The following LSS variants were observed in gnomAD, a reference collection of about 807,000 sequenced individuals.
LSS encodes 2,3-epoxysqualene-lanosterol cyclase.
In LSS, 90 loss-of-function variants were observed where a neutral mutation model predicts 110.3. The observed-to-expected ratio is 0.82, with a 90% CI of 0.69 to 0.97. The LOEUF is 0.97. Ranked by LOEUF, LSS falls within the 50% of genes least tolerant of loss-of-function variation. The pLI, the probability that LSS is intolerant of heterozygous loss-of-function variation, is 0.00. For synonymous variants in LSS, 433 were observed against 400.0 expected (o/e 1.08, Z -0.98); for missense variants, 927 against 990.0 (o/e 0.94, Z 0.85).
At chr21:46,208,393 C>T (rs376486825) in intron 13 of LSS, 92 bp from the exon 14 acceptor site, 2 of 1,164,798 alleles carry the variant, frequency 1.7e-6, no homozygotes, top group South Asian at 1.3e-5. Context: ...CTGGGCAGGA[C>T]TGGAGAGGCA....
At chr21:46,225,498 C>G in intron 3 of LSS, 1 of 424,788 alleles carries the variant, frequency 2.4e-6, no homozygotes, top group Non-Finnish European at 4.7e-6. Flanking sequence ...ACTCCTCCAC[C>G]TCTTGTGGAC....
intron 20 of LSS, 140 bp downstream of exon 20, chr21:46,194,351 T>A (rs888341815): frequency 1.4e-5 from 14 of 998,014 alleles, no homozygotes; most frequent in Admixed American, 1.1e-4. Flanking sequence ...CTTGTAGGTG[T>A]CTGTTCCCAG....
chr21:46,219,980 T>C (rs1182762679), intron 5 of LSS, among the ~76,000 whole-genome samples: 1 of 152,180 alleles, frequency 6.6e-6, no homozygotes, highest in Non-Finnish European at 1.5e-5. Flanking sequence ...AGCCTCGCCC[T>C]CTGAGCCAAG....
At chr21:46,194,405 T>C (rs2079876923) in intron 20 of LSS, 86 bp downstream of exon 20, 1 of 1,514,444 alleles carries the variant, frequency 6.6e-7, no homozygotes, top group Non-Finnish European at 8.9e-7. Context: ...CCTCTCTACA[T>C]TCACTCAGCC....
At position 46,207,463 on chromosome 21, in the gene LSS, T is replaced by A. The variant is rs1303995721; in HGVS notation, c.1432A>T (p.Ile478Phe). The change falls in exon 15 of 22, where the codon ATC becomes TTC. Residue 478 changes from isoleucine (I) to phenylalanine (F), a missense_variant. Transcript: ENST00000397728. ...QEKCPHVTEH[I>F]PRERLCDAVA... ...GCATCGCAGAGCCGTTCTCTGGGGA[T>A]GTGCTCGGTGACATGGGGACACTTC... The A allele has an allele frequency of 1.2e-6, 2 of 1,612,452 alleles. No homozygotes were observed. Among genetic ancestry groups the A allele is most frequent in the Non-Finnish European group, 1.7e-6 (2 of 1,179,644 alleles).
intron 17 of LSS, among the ~76,000 whole-genome samples, chr21:46,198,146 G>A (rs777031696): frequency 6.6e-6 from 1 of 151,750 alleles, no homozygotes. Context: ...ACATGCCTGT[G>A]GTCCTAGCTG....
Position 46,188,512 on chromosome 21 carries a change from C to G in LSS, c.*2592G>C. On this transcript the variant is annotated 3_prime_UTR_variant, in exon 22 of 22. Coordinates refer to ENST00000397728, the MANE Select transcript of LSS (RefSeq NM_002340.6). ...CCCTCAGACAGAGGCTGCACCGGTA[C>G]AGCTGCCATCTCCTCTTGGTGGTGT... The G allele has an allele frequency of 2.5e-6, 1 of 401,236 alleles. No homozygotes were observed. Among genetic ancestry groups the G allele is most frequent in the Non-Finnish European group, 5.1e-6 (1 of 194,278 alleles). 24.9% of individuals were successfully genotyped at this position (401,236 alleles called of 1,614,324 possible).
Position 46,207,551 on chromosome 21 carries a change from G to C in LSS, c.1344C>G (p.Asp448Glu). Residue 448 changes from aspartate to glutamate, a missense_variant, in exon 15 of 22, where the codon GAC (aspartate) becomes GAG (glutamate). Physicochemically the swap from Asp to Glu is conservative, Grantham distance 45 (BLOSUM62 2). Coordinates refer to ENST00000397728, the MANE Select transcript of LSS (RefSeq NM_002340.6). Reference protein sequence around the residue: ...RKGGFSFSTLDCGWIVSDCTA... With the variant: ...RKGGFSFSTLECGWIVSDCTA... ...TGCAGTCAGAAACGATCCAGCCGCA[G>C]TCCAGCGTACTGAAGGAGAAGCCAC... 1.2e-6 allele frequency: 2 copies of C among 1,609,982 alleles called. No individual in the cohort carries two copies. Among genetic ancestry groups the C allele is most frequent in the East Asian group, 4.5e-5 (2 of 44,754 alleles).
At chr21:46,207,777 A>G (rs532321159) in intron 14 of LSS, among the ~76,000 whole-genome samples, 200 bp from the exon 15 acceptor site, 2 of 151,960 alleles carry the variant, frequency 1.3e-5, no homozygotes, top group Admixed American at 6.5e-5. Flanking sequence ...AGGGACCCTC[A>G]GGGGTGCAGC....
intron 19 of LSS, 49 bp downstream of exon 19, chr21:46,195,627 A>T (rs765314425): frequency 6.8e-7 from 1 of 1,469,952 alleles, no homozygotes; most frequent in Non-Finnish European, 9.5e-7. Context: ...CTCATGACAG[A>T]GCATTGGGTT....
chr21:46,222,611 CA>C lies in LSS; in HGVS notation c.428+18del, dbSNP rs2080291412. ...ACACACATGCACATGTGCAGTGACA[CA>C]GGGGCAGGCACACTCACAGGCCCCA... On this transcript the variant is annotated intron_variant, in intron 4 of 21. Coordinates refer to ENST00000397728, the MANE Select transcript of LSS (RefSeq NM_002340.6). 1 of 1,603,268 alleles carries C rather than the reference CA, an allele frequency of 6.2e-7. No homozygotes were observed. The highest frequency in any genetic ancestry group is 2.2e-5 in the East Asian group (1 of 44,842).
intron 2 of LSS, 68 bp from the exon 3 acceptor site, chr21:46,227,758 C>T (rs1375186872): frequency 1.3e-6 from 2 of 1,558,084 alleles, no homozygotes; most frequent in East Asian, 4.5e-5. Context: ...GAGGAACCCT[C>T]TTCACATACA....
rs188793651 is a variant in LSS at position 46,216,672 on chromosome 21, G to A, written c.648-148C>T. 6.3e-4 allele frequency: 672 copies of A among 1,063,226 alleles called. 4 individuals carry two copies. The African/African-American group carries it at 9.1e-3, about 14-fold the overall frequency. 65.9% of individuals were successfully genotyped at this position (1,063,226 alleles called of 1,614,324 possible). A position where few individuals can be genotyped will look rare whatever the true frequency, so the allele number is the denominator to read the frequency against. ...GTGCATCTGCGGGCATTTCCCAACC[G>A]TGCTCCTGAGGGGCACAGTTGAACC... On this transcript the variant is annotated intron_variant, in intron 6 of 21. Coordinates refer to ENST00000397728, the MANE Select transcript of LSS (RefSeq NM_002340.6). This position sits in a 1 kb window ranked among gnomAD's most constrained non-coding sequence, Gnocchi z 4.2.
intron 6 of LSS, among the ~76,000 whole-genome samples, chr21:46,219,022 G>C (rs1320114283): frequency 6.6e-6 from 1 of 152,186 alleles, no homozygotes; most frequent in Non-Finnish European, 1.5e-5. Flanking sequence ...ACCCCACCTG[G>C]CCACAGACAC....
chr21:46,206,078 A>G, intron 16 of LSS, 137 bp from the exon 17 acceptor site: 1 of 634,872 alleles, frequency 1.6e-6, no homozygotes, highest in South Asian at 1.9e-5. Context: ...CAACCTCCAG[A>G]GCAAACGCCG....
Position 46,194,601 on chromosome 21 carries a change from G to C in LSS, c.1878C>G (p.Asp626Glu). 6.2e-7 allele frequency: 1 copy of C among 1,613,734 alleles called. No individual in the cohort carries two copies. The highest frequency in any genetic ancestry group is 1.1e-5 in the South Asian group (1 of 91,080). ...CDFLLSRQMADGGWGEDFESC... is the reference protein window; with the variant it reads ...CDFLLSRQMAEGGWGEDFESC... ...ACTCAAAGTCCTCCCCCCAGCCTCC[G>C]TCTGCCATCTGCCGGGACAGCAGGA... Residue 626 changes from aspartate (D) to glutamate (E), a missense_variant, in exon 20 of 22, where the codon GAC becomes GAG. Physicochemically the swap from Asp to Glu is conservative, Grantham distance 45. Coordinates refer to ENST00000397728, the MANE Select transcript of LSS (RefSeq NM_002340.6).
chr21:46,202,106 T>C (rs1411817223), intron 17 of LSS, among the ~76,000 whole-genome samples: 1 of 138,292 alleles, frequency 7.2e-6, no homozygotes, highest in Non-Finnish European at 1.6e-5. Context: ...TTTAAAATCT[T>C]AATATAGGCC....
intron 9 of LSS, among the ~76,000 whole-genome samples, chr21:46,214,463 A>G (rs1302521065): frequency 6.6e-6 from 1 of 152,196 alleles, no homozygotes; most frequent in African/African-American, 2.4e-5. Context: ...CTGAGGTGGC[A>G]TGAGGCCCAG....
At chr21:46,224,172 T>A (rs1375611049) in intron 3 of LSS, among the ~76,000 whole-genome samples, 1 of 152,188 alleles carries the variant, frequency 6.6e-6, no homozygotes, top group Non-Finnish European at 1.5e-5. Flanking sequence ...AATAATGGCA[T>A]AAGTTGTCTT....
Sources: allele counts gnomAD v4.1 joint callset (sites outside exome capture counted in the v4.1 genomes callset), GRCh38; gene constraint gnomAD v4.1.1; non-coding constraint Gnocchi (gnomAD v3.1); transcripts MANE v1.5; gene names NCBI Gene and HGNC (gene_info 2026-07-23, HGNC 2026-07-21).